KCNH8: variants seen among roughly 807,000 people sequenced by gnomAD.
KCNH8 encodes the protein voltage-gated delayed rectifier potassium channel KCNH8.
In KCNH8, 70 loss-of-function variants were observed where a neutral mutation model predicts 103.6. That is an observed-to-expected ratio of 0.68 (90% confidence interval 0.56 to 0.82). The LOEUF is 0.82. KCNH8 is among the 40% of genes least tolerant of loss of function. The pLI is 0.00. For synonymous variants in KCNH8, 498 were observed against 489.4 expected (o/e 1.02, Z -0.23); for missense variants, 1,217 against 1,329.9 (o/e 0.92, Z 1.32).
intron 15 of KCNH8, among the ~76,000 whole-genome samples, chr3:19,526,104 T>G (rs868408217): frequency 6.6e-6 from 1 of 152,070 alleles, no homozygotes; most frequent in South Asian, 2.1e-4. Flanking sequence ...GAATCATAGC[T>G]TGTAAAAATG....
intron 1 of KCNH8, among the ~76,000 whole-genome samples, chr3:19,151,413 C>T (rs772476691): frequency 3.3e-4 from 50 of 151,924 alleles, no homozygotes; most frequent in Admixed American, 4.6e-4. Flanking sequence ...GTATATTTTA[C>T]GGTCATGCTA....
chr3:19,410,423 C>T (rs114138139), intron 7 of KCNH8, among the ~76,000 whole-genome samples: 1,711 of 152,132 alleles, frequency 0.011, 32 homozygotes, highest in African/African-American at 0.039. Context: ...TAGCACTAAA[C>T]GCCTACCTCA....
intron 11 of KCNH8, among the ~76,000 whole-genome samples, chr3:19,497,507 C>T (rs966644562): frequency 6.6e-6 from 1 of 152,012 alleles, no homozygotes; most frequent in Non-Finnish European, 1.5e-5. Flanking sequence ...ACGTAAAACT[C>T]ACTCAGGAGC....
intron 3 of KCNH8, among the ~76,000 whole-genome samples, chr3:19,339,812 G>T (rs2065633622): frequency 6.6e-6 from 1 of 152,014 alleles, no homozygotes; most frequent in South Asian, 2.1e-4. Flanking sequence ...AATTTTGGAG[G>T]TGGGGGTAAT....
intron 7 of KCNH8, among the ~76,000 whole-genome samples, chr3:19,407,559 AG>A (rs2125144731): frequency 6.6e-6 from 1 of 151,972 alleles, no homozygotes; most frequent in South Asian, 2.1e-4. Context: ...CTCCATGGTC[AG>A]GCAGATATCC....
chr3:19,518,626 A>G (rs2068917070), intron 15 of KCNH8, among the ~76,000 whole-genome samples: 1 of 151,934 alleles, frequency 6.6e-6, no homozygotes, highest in South Asian at 2.1e-4. Flanking sequence ...TGTCCATTTC[A>G]CCAATACAAT....
intron 5 of KCNH8, among the ~76,000 whole-genome samples, chr3:19,365,779 G>A (rs547405525): frequency 2.6e-5 from 4 of 152,136 alleles, no homozygotes; most frequent in South Asian, 2.1e-4. Flanking sequence ...CAGGTTGCAC[G>A]TAGAAAAATA....
intron 11 of KCNH8, among the ~76,000 whole-genome samples, chr3:19,498,667 A>C (rs1222386002): frequency 6.6e-6 from 1 of 152,010 alleles, no homozygotes; most frequent in Non-Finnish European, 1.5e-5. Flanking sequence ...TGCTTTTTAG[A>C]GTTTCCAGTT....
rs543657555 is a variant in KCNH8 at position 19,405,304 on chromosome 3, G to A, written c.1177+9993G>A. Among the ~76,000 whole-genome samples the A allele has an allele frequency of 3.0e-4, 46 of 151,774 alleles. 1 individual carries two copies. The South Asian group carries it at 6.8e-3, about 23-fold the overall frequency. On this transcript the variant is annotated intron_variant, in intron 7 of 15. Transcript: ENST00000328405. ...CTATTTTTCATTGATTTTTGTTTCA[G>A]TCACTACTGTATAAGAAAATCTAGT...
intron 5 of KCNH8, among the ~76,000 whole-genome samples, chr3:19,349,921 C>T (rs540126104): frequency 2.6e-5 from 4 of 152,122 alleles, no homozygotes; most frequent in Admixed American, 2.6e-4. Context: ...GAATGAAAAC[C>T]CATTCCAATT....
chr3:19,170,949 C>CT (rs897659729), intron 1 of KCNH8, among the ~76,000 whole-genome samples: 17 of 151,612 alleles, frequency 1.1e-4, no homozygotes, highest in Non-Finnish European at 2.4e-4. Flanking sequence ...GCAGCTGGGA[C>CT]TACAGGCATC....
intron 5 of KCNH8, among the ~76,000 whole-genome samples, chr3:19,386,349 T>C (rs1043848418): frequency 1.3e-5 from 2 of 152,194 alleles, no homozygotes; most frequent in Admixed American, 6.5e-5. Context: ...AATTCAATTA[T>C]ATTCTGCTTC....
At chr3:19,198,074 T>C (rs2063619696) in intron 1 of KCNH8, among the ~76,000 whole-genome samples, 2 of 152,196 alleles carry the variant, frequency 1.3e-5, no homozygotes, top group Admixed American at 1.3e-4. Flanking sequence ...GTTATAATTT[T>C]TTATAGGTCT....
chr3:19,534,149 C>A lies in KCNH8; in HGVS notation c.*50C>A. 7.1e-7 allele frequency: 1 copy of A among 1,406,490 alleles called. No individual in the cohort carries two copies. Among genetic ancestry groups the A allele is most frequent in the Non-Finnish European group, 9.9e-7 (1 of 1,014,648 alleles). 87.1% of individuals were successfully genotyped at this position (1,406,490 alleles called of 1,614,324 possible). Reference sequence around the variant, plus strand: ...TAATTTCAAACCTACCACTGCATGACAGTTTTAGTTTGCCTTTTTGCCTCT... The same window carrying A: ...TAATTTCAAACCTACCACTGCATGAAAGTTTTAGTTTGCCTTTTTGCCTCT... On this transcript the variant is annotated 3_prime_UTR_variant, in exon 16 of 16. Coordinates refer to ENST00000328405, the MANE Select transcript of KCNH8 (RefSeq NM_144633.3).
At chr3:19,375,917 C>T (rs1301715054) in intron 5 of KCNH8, among the ~76,000 whole-genome samples, 8 of 152,218 alleles carry the variant, frequency 5.3e-5, no homozygotes, top group African/African-American at 1.2e-4. Context: ...TTAGGCTGCT[C>T]GGGGGTCAGG....
chr3:19,228,826 A>T (rs938313552), intron 1 of KCNH8, among the ~76,000 whole-genome samples: 20 of 152,234 alleles, frequency 1.3e-4, no homozygotes, highest in African/African-American at 4.6e-4. Flanking sequence ...GAAAAAACAA[A>T]TATGTCTACC....
At chr3:19,198,608 A>G (rs531721314) in intron 1 of KCNH8, among the ~76,000 whole-genome samples, 22 of 152,208 alleles carry the variant, frequency 1.4e-4, no homozygotes, top group South Asian at 8.3e-4. Flanking sequence ...TTAATATTAT[A>G]GAAGTAAGGA....
chr3:19,334,485 A>G (rs1366644985), intron 3 of KCNH8, among the ~76,000 whole-genome samples: 1 of 152,132 alleles, frequency 6.6e-6, no homozygotes, highest in African/African-American at 2.4e-5. Context: ...GGCCATTTGC[A>G]TTTCAAACCT....
intron 2 of KCNH8, among the ~76,000 whole-genome samples, chr3:19,277,435 A>T (rs565140021): frequency 6.6e-6 from 1 of 152,156 alleles, no homozygotes; most frequent in Admixed American, 6.5e-5. Flanking sequence ...GTGGTGGTGC[A>T]CGTCTGTAGT....
Sources: allele counts gnomAD v4.1 joint callset (sites outside exome capture counted in the v4.1 genomes callset), GRCh38; gene constraint gnomAD v4.1.1; transcripts MANE v1.5; gene names NCBI Gene and HGNC (gene_info 2026-07-23, HGNC 2026-07-21).